The following BCAS3 variants were observed in gnomAD, a reference collection of about 807,000 sequenced individuals.
The protein encoded by BCAS3 is BCAS4/BCAS3 fusion.
BCAS3 carries 53 observed loss-of-function variants against 116.1 expected under a neutral mutation model. The ratio of observed to expected loss-of-function variants is 0.46; its 90% confidence interval spans 0.37 to 0.57. The LOEUF (loss-of-function observed/expected upper bound fraction) is 0.57, where lower values mean the gene tolerates loss of function less well. Ranked by LOEUF, BCAS3 falls within the 20% of genes least tolerant of loss-of-function variation. The pLI is 0.00. For synonymous variants in BCAS3, 391 were observed against 408.2 expected (o/e 0.96, Z 0.51); for missense variants, 917 against 1,165.4 (o/e 0.79, Z 3.10).
At chr17:60,749,524 G>C (rs572919851) in intron 6 of BCAS3, among the ~76,000 whole-genome samples, 73 of 152,190 alleles carry the variant, frequency 4.8e-4, no homozygotes, top group Non-Finnish European at 7.8e-4. Flanking sequence ...CTTCCATTGA[G>C]TTTTCATTGT....
intron 13 of BCAS3, 57 bp downstream of exon 13, chr17:60,924,557 G>C: frequency 7.6e-7 from 1 of 1,319,176 alleles, no homozygotes; most frequent in Non-Finnish European, 1.1e-6. Context: ...TATATAATGG[G>C]TTTTCCAGCC....
At chr17:61,283,668 T>C (rs2051445192) in intron 22 of BCAS3, among the ~76,000 whole-genome samples, 1 of 152,120 alleles carries the variant, frequency 6.6e-6, no homozygotes, top group South Asian at 2.1e-4. Flanking sequence ...TTAGCCAGGA[T>C]GGTCTCAATC....
chr17:61,180,810 A>G lies in BCAS3; in HGVS notation c.2425+96246A>G, dbSNP rs138723391. 1.9e-3 allele frequency among the ~76,000 whole-genome samples: 287 copies of G among 152,348 alleles called. 2 individuals are homozygous for G. The highest frequency in any genetic ancestry group is 6.5e-3 in the African/African-American group (270 of 41,592). ...GCACTTGAAATGAGGGGGAAATAAG[A>G]CAACCATGTAGAGCCTGAGAATAGA... On this transcript the variant is annotated intron_variant, in intron 22 of 23. Transcript: ENST00000407086. This position sits in a 1 kb window ranked among gnomAD's most constrained non-coding sequence, Gnocchi z 6.0.
chr17:61,360,869 A>T (rs992790842), intron 22 of BCAS3, among the ~76,000 whole-genome samples: 1 of 152,238 alleles, frequency 6.6e-6, no homozygotes, highest in African/African-American at 2.4e-5. Flanking sequence ...GACTCTTCCA[A>T]CGTCATGCAG....
chr17:60,811,236 G>A (rs1175872986), intron 7 of BCAS3: 1 of 884,506 alleles, frequency 1.1e-6, no homozygotes, highest in East Asian at 2.8e-5. Flanking sequence ...CCTGCAGAGG[G>A]ACAGCGCCAG....
chr17:60,757,546 T>C (rs1459091146), intron 6 of BCAS3, among the ~76,000 whole-genome samples: 1 of 151,874 alleles, frequency 6.6e-6, no homozygotes. Context: ...CCTGTATACG[T>C]ATTGGCCATT....
Position 61,203,393 on chromosome 17 carries a change from T to G in BCAS3, c.2425+118829T>G, listed in dbSNP as rs2080952629. ...GGCTGGTTTCAAACTCCTGACCTTGTGATCTGCTCACCTCGGCCTCCCAAA... is the reference window on the plus strand; with the variant it reads ...GGCTGGTTTCAAACTCCTGACCTTGGGATCTGCTCACCTCGGCCTCCCAAA... On this transcript the variant is annotated intron_variant, in intron 22 of 23. Coordinates refer to ENST00000407086, the MANE Select transcript of BCAS3 (RefSeq NM_017679.5). The surrounding 1 kb of genome is among the most constrained non-coding windows in gnomAD (Gnocchi z 5.7). Among the ~76,000 whole-genome samples, 1 of 152,172 alleles carries G rather than the reference T, an allele frequency of 6.6e-6. No individual in the cohort carries two copies. The highest frequency in any genetic ancestry group is 2.1e-4 in the South Asian group (1 of 4,820).
chr17:60,734,115 G>A (rs961001337), intron 5 of BCAS3, among the ~76,000 whole-genome samples: 1 of 152,052 alleles, frequency 6.6e-6, no homozygotes, highest in African/African-American at 2.4e-5. Context: ...TATTTATTTA[G>A]TTTGAGAGAC....
chr17:61,370,334 GT>G (rs896669693), intron 23 of BCAS3, among the ~76,000 whole-genome samples: 9 of 150,534 alleles, frequency 6.0e-5, no homozygotes, highest in African/African-American at 2.2e-4. Flanking sequence ...AAGGAATTTA[GT>G]TGGTTTTCTC....
At chr17:60,984,665 T>C (rs541019662) in intron 14 of BCAS3, among the ~76,000 whole-genome samples, 2 of 152,128 alleles carry the variant, frequency 1.3e-5, no homozygotes, top group South Asian at 4.2e-4. Flanking sequence ...TTTAAAAAAA[T>C]TTTTTGTGGG....
Position 61,378,037 on chromosome 17 carries a change from G to T in BCAS3, c.2593+9543G>T, listed in dbSNP as rs1372165386. 6.6e-6 allele frequency: 1 copy of T among 152,172 alleles called. No homozygotes were observed. Among genetic ancestry groups the T allele is most frequent in the East Asian group, 1.9e-4 (1 of 5,194 alleles). 9.4% of individuals were successfully genotyped at this position (152,172 alleles called of 1,614,324 possible). ...GACTGTCACTAGCAGGGCCTGCCTT[G>T]ACTGCCGTTGCACTTCCCTGCTCAG... On this transcript the variant is annotated intron_variant, in intron 23 of 23. Coordinates refer to ENST00000407086, the MANE Select transcript of BCAS3 (RefSeq NM_017679.5). The surrounding 1 kb of genome is among the most constrained non-coding windows in gnomAD (Gnocchi z 5.8).
rs1600575066 is a variant in BCAS3, at chr17:61,026,695, C to A, written c.1638-7971C>A. ...AATTAAGGGCCTTGTTACTACACATCATTCTGTTTATTGGTTATATCAGAC... is the reference window on the plus strand; with the variant it reads ...AATTAAGGGCCTTGTTACTACACATAATTCTGTTTATTGGTTATATCAGAC... On this transcript the variant is annotated intron_variant, in intron 16 of 23. Coordinates refer to ENST00000407086, the MANE Select transcript of BCAS3 (RefSeq NM_017679.5). This position sits in a 1 kb window ranked among gnomAD's most constrained non-coding sequence, Gnocchi z 5.0. Among the ~76,000 whole-genome samples the A allele has an allele frequency of 2.0e-5, 3 of 152,064 alleles. No homozygotes were observed. Among genetic ancestry groups the A allele is most frequent in the South Asian group, 2.1e-4 (1 of 4,820 alleles).
intron 22 of BCAS3, among the ~76,000 whole-genome samples, chr17:61,187,451 CT>C (rs1461726192): frequency 2.0e-5 from 3 of 152,198 alleles, no homozygotes; most frequent in African/African-American, 7.2e-5. Flanking sequence ...TTGCTTTTCC[CT>C]TAGTTTATAG....
intron 7 of BCAS3, among the ~76,000 whole-genome samples, chr17:60,818,416 G>A (rs889859102): frequency 1.3e-5 from 2 of 152,092 alleles, no homozygotes; most frequent in Non-Finnish European, 2.9e-5. Context: ...TTATTTCAAC[G>A]TTTGTCTAAT....
chr17:61,077,456 G>T lies in BCAS3; in HGVS notation c.2131-877G>T, dbSNP rs2072122886. Among the ~76,000 whole-genome samples, 1 of 152,168 alleles carries T rather than the reference G, an allele frequency of 6.6e-6. No homozygotes were observed. Among genetic ancestry groups the T allele is most frequent in the Non-Finnish European group, 1.5e-5 (1 of 68,032 alleles). On this transcript the variant is annotated intron_variant, in intron 20 of 23. Coordinates refer to ENST00000407086, the MANE Select transcript of BCAS3 (RefSeq NM_017679.5). The surrounding 1 kb of genome is among the most constrained non-coding windows in gnomAD (Gnocchi z 4.3). Reference sequence around the variant, plus strand: ...GTAGTGAACCCAGGAGGCGGAGCTTGCAGTGAGCGGAGATCACGCCACTGC... The same window carrying T: ...GTAGTGAACCCAGGAGGCGGAGCTTTCAGTGAGCGGAGATCACGCCACTGC...
chr17:61,273,310 A>G (rs2050471299), intron 22 of BCAS3, among the ~76,000 whole-genome samples: 1 of 151,922 alleles, frequency 6.6e-6, no homozygotes, highest in Admixed American at 6.6e-5. Context: ...GGGTTTTGCC[A>G]TGTTGCCCAG....
At chr17:60,756,681 G>T (rs12952601) in intron 6 of BCAS3, among the ~76,000 whole-genome samples, 110,398 of 152,048 alleles carry the variant, frequency 0.73, 45,775 homozygotes, top group South Asian at 0.98. Flanking sequence ...CCATCAATGG[G>T]CACTTAGGTT....
chr17:61,284,971 G>A (rs989203215), intron 22 of BCAS3, among the ~76,000 whole-genome samples: 11 of 152,202 alleles, frequency 7.2e-5, no homozygotes, highest in African/African-American at 2.7e-4. Context: ...TCAAGCAAGT[G>A]TCATCAAGGT....
chr17:60,760,138 T>C (rs111410014), intron 6 of BCAS3, among the ~76,000 whole-genome samples: 1,535 of 152,324 alleles, frequency 0.01, 33 homozygotes, highest in African/African-American at 0.034. Context: ...ATTCAGCCAG[T>C]CCCTCTCTTT....
Sources: allele counts gnomAD v4.1 joint callset (sites outside exome capture counted in the v4.1 genomes callset), GRCh38; gene constraint gnomAD v4.1.1; non-coding constraint Gnocchi (gnomAD v3.1); transcripts MANE v1.5; gene names NCBI Gene and HGNC (gene_info 2026-07-23, HGNC 2026-07-21).